The following AHCYL2 variants were observed in gnomAD, a reference collection of about 807,000 sequenced individuals.
The protein encoded by AHCYL2 is adenosylhomocysteinase like 2.
Under a neutral mutation model 81.4 loss-of-function variants are expected in AHCYL2, and 28 were observed. The ratio of observed to expected loss-of-function variants is 0.34; its 90% confidence interval spans 0.25 to 0.47. The LOEUF is 0.47. AHCYL2 is among the 20% of genes least tolerant of loss of function. AHCYL2 has a pLI of 1.00. For missense variants in AHCYL2, 551 were observed against 785.1 expected, an observed-to-expected ratio of 0.70 and a Z score of 3.56; for synonymous variants, 272 against 290.2, an observed-to-expected ratio of 0.94 and a Z score of 0.64.
chr7:129,232,368 A>G (rs1480752428), intron 1 of AHCYL2, among the ~76,000 whole-genome samples: 1 of 152,220 alleles, frequency 6.6e-6, no homozygotes, highest in Non-Finnish European at 1.5e-5. Context: ...GGCTTTGTCA[A>G]TGAAATGCTG....
At chr7:129,401,481 C>T (rs1358391410) in intron 6 of AHCYL2, among the ~76,000 whole-genome samples, 1 of 152,218 alleles carries the variant, frequency 6.6e-6, no homozygotes, top group Non-Finnish European at 1.5e-5. Context: ...CCATTGCTTG[C>T]TGCTGAAGGC....
intron 1 of AHCYL2, among the ~76,000 whole-genome samples, chr7:129,315,759 CGAA>C (rs1797807812): frequency 6.6e-6 from 1 of 151,832 alleles, no homozygotes; most frequent in Admixed American, 6.6e-5. Flanking sequence ...AACAGTTACT[CGAA>C]GGAGGAGATA....
At chr7:129,236,806 CAG>C (rs1302510130) in intron 1 of AHCYL2, among the ~76,000 whole-genome samples, 1 of 152,152 alleles carries the variant, frequency 6.6e-6, no homozygotes, top group Non-Finnish European at 1.5e-5. Flanking sequence ...ATTCTTCTGA[CAG>C]AATGAGGCTG....
chr7:129,306,118 G>A (rs1267271645), intron 1 of AHCYL2, among the ~76,000 whole-genome samples: 3 of 152,118 alleles, frequency 2.0e-5, no homozygotes, highest in African/African-American at 7.2e-5. Context: ...TCTTGTACTT[G>A]AATACTGATA....
intron 13 of AHCYL2, 38 bp from the exon 14 acceptor site, chr7:129,424,836 T>C: frequency 3.1e-6 from 5 of 1,610,896 alleles, no homozygotes; most frequent in Non-Finnish European, 3.4e-6. Flanking sequence ...CCAGCGACTT[T>C]GTCCTAATCC....
At chr7:129,387,328 CTGAG>C (rs997481194) in intron 2 of AHCYL2, among the ~76,000 whole-genome samples, 6 of 152,208 alleles carry the variant, frequency 3.9e-5, no homozygotes, top group Non-Finnish European at 8.8e-5. Context: ...GAATAAACAC[CTGAG>C]TGTGTGAATG....
At chr7:129,253,058 A>G (rs952213920) in intron 1 of AHCYL2, among the ~76,000 whole-genome samples, 2 of 152,008 alleles carry the variant, frequency 1.3e-5, no homozygotes, top group African/African-American at 4.8e-5. Flanking sequence ...AATACAAAAA[A>G]TTAGCCAGGT....
In AHCYL2 at chr7:129,277,278, C is replaced by CGTTT. The variant is rs35753023; in HGVS notation, c.363+51839_363+51840insGTTT. Among the ~76,000 whole-genome samples, 8 of 135,786 alleles carry CGTTT rather than the reference C, an allele frequency of 5.9e-5. 1 individual carries two copies. Among genetic ancestry groups the CGTTT allele is most frequent in the South Asian group, 2.3e-4 (1 of 4,266 alleles). The allele number at this position is 135,786 out of a possible 152,430, so 89.1% of individuals were successfully genotyped here. ...TATTTATTACCTCTAAAGTCTCTCT[C>CGTTT]TTTTTTTTTTTTTTTTTTGAGATAG... is the stretch of plus-strand genomic sequence containing the variant. On this transcript the variant is annotated intron_variant, in intron 1 of 16. Transcript: ENST00000325006.
chr7:129,276,548 C>G (rs1310374778), intron 1 of AHCYL2, among the ~76,000 whole-genome samples: 5 of 151,272 alleles, frequency 3.3e-5, no homozygotes, highest in African/African-American at 1.2e-4. Context: ...GTCAGGAGTT[C>G]AAGACCAGCC....
At chr7:129,304,058 T>C (rs745843195) in intron 1 of AHCYL2, among the ~76,000 whole-genome samples, 8 of 151,510 alleles carry the variant, frequency 5.3e-5, no homozygotes, top group Admixed American at 3.3e-4. Context: ...TCTCAAAAAA[T>C]AAAAAATAAA....
intron 10 of AHCYL2, 28 bp from the exon 11 acceptor site, chr7:129,409,448 G>A: frequency 1.2e-6 from 2 of 1,605,672 alleles, no homozygotes; most frequent in Non-Finnish European, 1.7e-6. Context: ...GCCTGTTTAG[G>A]TTAATGGGTC....
chr7:129,321,772 G>GTTTTTTTTTTTTTTTTTT (rs1217148394), intron 1 of AHCYL2, among the ~76,000 whole-genome samples: 26 of 114,390 alleles, frequency 2.3e-4, no homozygotes, highest in Non-Finnish European at 3.0e-4. Flanking sequence ...TTTGGTCTTG[G>GTTTTTTTTTTTTTTTTTT]TTTTGTTTTT....
chr7:129,256,322 T>C (rs945949146), intron 1 of AHCYL2, among the ~76,000 whole-genome samples: 1 of 152,178 alleles, frequency 6.6e-6, no homozygotes, highest in Non-Finnish European at 1.5e-5. Context: ...AAAGCTCTTA[T>C]CCTCTAGCCA....
chr7:129,272,232 G>T (rs1324073113), intron 1 of AHCYL2, among the ~76,000 whole-genome samples: 1 of 152,120 alleles, frequency 6.6e-6, no homozygotes, highest in Non-Finnish European at 1.5e-5. Context: ...CAGTTCCAGT[G>T]GGCATCATAT....
chr7:129,350,159 G>A (rs1409549111), intron 1 of AHCYL2, among the ~76,000 whole-genome samples: 3 of 152,104 alleles, frequency 2.0e-5, no homozygotes, highest in African/African-American at 7.2e-5. Flanking sequence ...GAAGATAAGG[G>A]CATTTCAGAT....
intron 1 of AHCYL2, among the ~76,000 whole-genome samples, chr7:129,366,114 C>T (rs1343404427): frequency 6.6e-6 from 1 of 152,126 alleles, no homozygotes; most frequent in African/African-American, 2.4e-5. Context: ...CCCTGCATCT[C>T]ATCACCCTGT....
intron 1 of AHCYL2, among the ~76,000 whole-genome samples, chr7:129,349,653 A>C (rs1363237279): frequency 7.3e-6 from 1 of 136,106 alleles, no homozygotes; most frequent in South Asian, 2.2e-4. Flanking sequence ...CTCTGTTTCA[A>C]AAAAAAAAAA....
intron 1 of AHCYL2, among the ~76,000 whole-genome samples, chr7:129,370,606 G>A (rs1794357486): frequency 6.6e-6 from 1 of 152,220 alleles, no homozygotes; most frequent in Non-Finnish European, 1.5e-5. Context: ...GCTGAGGCAG[G>A]AGAATAGCAT....
At chr7:129,408,859 G>A (rs35974655) in intron 10 of AHCYL2, among the ~76,000 whole-genome samples, 1 of 151,978 alleles carries the variant, frequency 6.6e-6, no homozygotes, top group Non-Finnish European at 1.5e-5. Flanking sequence ...AGTCCAAGGG[G>A]TATAGAGTTT....
Sources: allele counts gnomAD v4.1 joint callset (sites outside exome capture counted in the v4.1 genomes callset), GRCh38; gene constraint gnomAD v4.1.1; transcripts MANE v1.5; gene names NCBI Gene and HGNC (gene_info 2026-07-23, HGNC 2026-07-21).